Variants in LRIG1 observed in about 807,000 individuals in gnomAD.
LRIG1 encodes leucine-rich repeats and immunoglobulin-like domains protein 1.
LRIG1 carries 48 observed loss-of-function variants against 99.2 expected under a neutral mutation model. That is an observed-to-expected ratio of 0.48 (90% CI 0.38 to 0.62). The LOEUF is 0.62. Ranked by LOEUF, LRIG1 falls within the 20% of genes least tolerant of loss-of-function variation. The pLI is 0.00. For missense variants in LRIG1, 1,646 were observed against 1,434.4 expected (o/e 1.15, Z -2.38); for synonymous variants, 772 against 596.1 (o/e 1.29, Z -4.30).
At chr3:66,408,092 G>A (rs1384485865) in intron 7 of LRIG1, among the ~76,000 whole-genome samples, 1 of 152,206 alleles carries the variant, frequency 6.6e-6, no homozygotes, top group Non-Finnish European at 1.5e-5. Flanking sequence ...GGCGGTAAAA[G>A]CACATGCTTT....
chr3:66,405,123 G>A (rs2106641618), intron 9 of LRIG1, 75 bp downstream of exon 9: 3 of 1,310,988 alleles, frequency 2.3e-6, no homozygotes, highest in African/African-American at 1.4e-5. Flanking sequence ...AGGCGCGGGG[G>A]GCGCCACAGA....
chr3:66,439,896 CA>C (rs1242594841), intron 3 of LRIG1, among the ~76,000 whole-genome samples: 1 of 152,128 alleles, frequency 6.6e-6, no homozygotes, highest in African/African-American at 2.4e-5. Flanking sequence ...ACAGTATCTT[CA>C]AATTAAATCA....
intron 11 of LRIG1, 121 bp from the exon 12 acceptor site, chr3:66,394,324 G>A (rs1701757241): frequency 1.6e-5 from 13 of 823,834 alleles, no homozygotes; most frequent in Non-Finnish European, 2.4e-5. Flanking sequence ...CAAGCTGGAA[G>A]GGGGAAATGG....
chr3:66,380,814 A>G lies in LRIG1; in HGVS notation c.2818T>C (p.Cys940Arg). The change falls in exon 18 of 19, where the codon TGT becomes CGT. Residue 940 changes from cysteine (C) to arginine (R), a missense_variant. By Grantham distance (180) the Cys-to-Arg change is radical (BLOSUM62 -3). Coordinates refer to ENST00000273261, the MANE Select transcript of LRIG1 (RefSeq NM_015541.3). ...VCSDCNTEVDCYSRGQAFHPQ... is the reference protein window; with the variant it reads ...VCSDCNTEVDRYSRGQAFHPQ... ...TGGAAGGCTTGTCCCCTGGAGTAAC[A>G]GTCCACTTCGGTGTTGCAGTCACTG... 6.2e-7 allele frequency: 1 copy of G among 1,614,208 alleles called. No individual in the cohort carries two copies. Among genetic ancestry groups the G allele is most frequent in the Non-Finnish European group, 8.5e-7 (1 of 1,180,040 alleles).
chr3:66,404,063 A>G (rs1359026514), intron 9 of LRIG1, among the ~76,000 whole-genome samples: 2 of 152,224 alleles, frequency 1.3e-5, no homozygotes, highest in Non-Finnish European at 2.9e-5. Flanking sequence ...GAGAAGAATC[A>G]CTGATAAGCA....
At chr3:66,457,742 A>G (rs573241610) in intron 2 of LRIG1, among the ~76,000 whole-genome samples, 1 of 152,308 alleles carries the variant, frequency 6.6e-6, no homozygotes, top group African/African-American at 2.4e-5. Context: ...ACGTGAGTCT[A>G]TTTGCTACCA....
intron 13 of LRIG1, 152 bp downstream of exon 13, chr3:66,385,829 G>A: frequency 1.3e-6 from 1 of 740,804 alleles, no homozygotes; most frequent in Non-Finnish European, 2.2e-6. Flanking sequence ...AACTTGCTCT[G>A]GGGCAAACCC....
At chr3:66,403,424 C>A (rs1486387082) in intron 9 of LRIG1, among the ~76,000 whole-genome samples, 1 of 152,134 alleles carries the variant, frequency 6.6e-6, no homozygotes, top group African/African-American at 2.4e-5. Context: ...AGTCTCCAGC[C>A]CCAAGATGCT....
chr3:66,392,447 G>A (rs1182836418), intron 12 of LRIG1, among the ~76,000 whole-genome samples: 2 of 152,182 alleles, frequency 1.3e-5, no homozygotes, highest in African/African-American at 4.8e-5. Flanking sequence ...AGCAACACTT[G>A]TTATTATCTG....
chr3:66,484,687 T>G (rs1365927897), intron 1 of LRIG1, among the ~76,000 whole-genome samples: 2 of 152,032 alleles, frequency 1.3e-5, no homozygotes, highest in Non-Finnish European at 2.9e-5. Flanking sequence ...GAGGGGCAGG[T>G]GGACAGTAAC....
At chr3:66,413,051 T>C (rs780411169) in intron 5 of LRIG1, 37 bp from the exon 6 acceptor site, 4 of 1,611,588 alleles carry the variant, frequency 2.5e-6, no homozygotes, top group African/African-American at 1.3e-5. Flanking sequence ...GAGTGTCTTA[T>C]GTGCATATCC....
rs1367237658 is a variant in LRIG1 at position 66,500,523 on chromosome 3, T to C, written c.-116A>G. ...CGGCTCTAGACTCCGCACCGGGGCATGGCCCCCGCCCCAAGTTCTCTCTGC... is the reference window on the plus strand; with the variant it reads ...CGGCTCTAGACTCCGCACCGGGGCACGGCCCCCGCCCCAAGTTCTCTCTGC... On this transcript the variant is annotated 5_prime_UTR_variant, in exon 1 of 19. The change abolishes an upstream ATG in the 5' untranslated region. Coordinates refer to ENST00000273261, the MANE Select transcript of LRIG1 (RefSeq NM_015541.3). 2.4e-5 allele frequency: 12 copies of C among 491,574 alleles called. No individual in the cohort carries two copies. Among genetic ancestry groups the C allele is most frequent in the Admixed American group, 4.5e-5 (1 of 22,120 alleles). The allele number at this position is 491,574 out of a possible 1,614,324, so 30.5% of individuals were successfully genotyped here.
At chr3:66,392,605 G>T (rs932901295) in intron 12 of LRIG1, among the ~76,000 whole-genome samples, 2 of 149,406 alleles carry the variant, frequency 1.3e-5, no homozygotes, top group Admixed American at 6.7e-5. Flanking sequence ...TTTTTAGAGG[G>T]GGGGAAGCTT....
Position 66,383,337 on chromosome 3 carries a change from G to A in LRIG1, c.2136C>T (p.Leu712=). 6.3e-7 allele frequency: 1 copy of A among 1,596,512 alleles called. No homozygotes were observed. Among genetic ancestry groups the A allele is most frequent in the South Asian group, 1.1e-5 (1 of 89,630 alleles). The part of the protein sequence containing the change: ...RVVSVGETVA[L]QCKATGNPPP... ...GAGGGTTCCCCGTGGCTTTGCATTG[G>A]AGGGCCACTGTTTCTCCCACAGATA... The change falls in exon 15 of 19, where the codon CTC becomes CTT. Residue 712 remains leucine, a synonymous_variant. Transcript: ENST00000273261.
At chr3:66,440,382 T>C (rs1703502549) in intron 3 of LRIG1, among the ~76,000 whole-genome samples, 1 of 152,024 alleles carries the variant, frequency 6.6e-6, no homozygotes, top group Admixed American at 6.5e-5. Context: ...CTACCCCAGG[T>C]AGAGAAACAG....
intron 1 of LRIG1, among the ~76,000 whole-genome samples, chr3:66,489,657 A>G (rs1483902100): frequency 6.6e-6 from 1 of 151,952 alleles, no homozygotes; most frequent in African/African-American, 2.4e-5. Context: ...TTTTGCTTCA[A>G]TTAGAATAGA....
intron 1 of LRIG1, among the ~76,000 whole-genome samples, chr3:66,497,858 G>C (rs1484404535): frequency 6.6e-6 from 1 of 152,138 alleles, no homozygotes; most frequent in Non-Finnish European, 1.5e-5. Context: ...CGTGGGCTTA[G>C]AGCGTGTAAA....
chr3:66,448,696 C>G (rs1703803384), intron 3 of LRIG1, among the ~76,000 whole-genome samples: 1 of 152,226 alleles, frequency 6.6e-6, no homozygotes, highest in Non-Finnish European at 1.5e-5. Flanking sequence ...AGAAAGTTGT[C>G]TGGGCTCCTG....
intron 1 of LRIG1, among the ~76,000 whole-genome samples, chr3:66,463,041 G>A (rs1158587106): frequency 2.6e-5 from 4 of 152,148 alleles, no homozygotes; most frequent in Non-Finnish European, 4.4e-5. Context: ...GTGGCAGGGA[G>A]TGGGGGGTGT....
Sources: allele counts gnomAD v4.1 joint callset (sites outside exome capture counted in the v4.1 genomes callset), GRCh38; gene constraint gnomAD v4.1.1; transcripts MANE v1.5; gene names NCBI Gene and HGNC (gene_info 2026-07-23, HGNC 2026-07-21).